The following FOXP2 variants were observed in gnomAD, a reference collection of about 807,000 sequenced individuals.
FOXP2 encodes forkhead box P2.
A neutral mutation model predicts 115.8 loss-of-function variants in FOXP2; 12 were observed. That is an observed-to-expected ratio of 0.10 (90% CI 0.07 to 0.17). The LOEUF is 0.17. Among genes scored for constraint, FOXP2 ranks in the 10% least tolerant of loss-of-function variants. The pLI is 1.00. For missense variants in FOXP2, 629 were observed against 843.5 expected (o/e 0.75, Z 3.15); for synonymous variants, 328 against 297.7 (o/e 1.10, Z -1.05).
At chr7:114,623,561 C>T (rs1462401030) in intron 3 of FOXP2, among the ~76,000 whole-genome samples, 1 of 151,902 alleles carries the variant, frequency 6.6e-6, no homozygotes, top group East Asian at 1.9e-4. Context: ...TATGGTGTAG[C>T]ATATTATATA....
chr7:114,554,999 C>G (rs1800390102), intron 3 of FOXP2, among the ~76,000 whole-genome samples: 1 of 152,138 alleles, frequency 6.6e-6, no homozygotes, highest in African/African-American at 2.4e-5. Context: ...GTCATCATAT[C>G]TACATGCGTG....
intron 2 of FOXP2, among the ~76,000 whole-genome samples, chr7:114,324,932 G>T (rs941757566): frequency 2.0e-5 from 3 of 151,790 alleles, no homozygotes; most frequent in African/African-American, 7.2e-5. Context: ...CATAGTAGGT[G>T]TATGTATTAA....
At chr7:114,559,563 CTTG>C (rs2129290343) in intron 3 of FOXP2, among the ~76,000 whole-genome samples, 1 of 152,264 alleles carries the variant, frequency 6.6e-6, no homozygotes, top group African/African-American at 2.4e-5. Context: ...TTCTGTAACT[CTTG>C]TTAATTCCTT....
intron 1 of FOXP2, among the ~76,000 whole-genome samples, chr7:114,182,985 G>C (rs926537216): frequency 6.6e-6 from 1 of 152,082 alleles, no homozygotes. Flanking sequence ...TGCAGGAAAG[G>C]CTGAAGGCTT....
chr7:114,209,788 A>C (rs1438757105), intron 1 of FOXP2, among the ~76,000 whole-genome samples: 1 of 151,548 alleles, frequency 6.6e-6, no homozygotes, highest in Non-Finnish European at 1.5e-5. Context: ...TACCGCAATC[A>C]CTCTCTTTAC....
intron 1 of FOXP2, among the ~76,000 whole-genome samples, chr7:114,124,845 T>A (rs4730624): frequency 0.17 from 26,080 of 152,008 alleles, 3,048 homozygotes; most frequent in East Asian, 0.4. Context: ...AAATGTTGTG[T>A]GCTGAATGTG....
At chr7:114,432,172 A>G (rs1328334782) in intron 2 of FOXP2, among the ~76,000 whole-genome samples, 1 of 151,928 alleles carries the variant, frequency 6.6e-6, no homozygotes, top group East Asian at 1.9e-4. Flanking sequence ...AATTAATGTC[A>G]GTTAGGAAGA....
At chr7:114,651,910 A>G (rs1478839889) in intron 8 of FOXP2, among the ~76,000 whole-genome samples, 1 of 152,196 alleles carries the variant, frequency 6.6e-6, no homozygotes, top group Non-Finnish European at 1.5e-5. Flanking sequence ...AATGGCATAA[A>G]TAATATGACT....
In FOXP2 at chr7:114,492,210, T is replaced by C. The variant is rs778100665; in HGVS notation, c.169-42407T>C. ...TAGTTTATTTGCGTAGAGGTGTTTA[T>C]AGTATTCTCTGGTGGCAGTTTGTAT... is the stretch of plus-strand genomic sequence containing the variant. On this transcript the variant is annotated intron_variant, in intron 2 of 16. Transcript: ENST00000350908. Among the ~76,000 whole-genome samples, 76 of 152,206 alleles carry C rather than the reference T, an allele frequency of 5.0e-4. 1 individual carries two copies. The highest frequency in any genetic ancestry group is 7.3e-5 in the Non-Finnish European group (5 of 68,042).
At chr7:114,193,038 A>G (rs992070508) in intron 1 of FOXP2, among the ~76,000 whole-genome samples, 1 of 152,138 alleles carries the variant, frequency 6.6e-6, no homozygotes, top group Non-Finnish European at 1.5e-5. Context: ...GTGGTCCTCC[A>G]TACTCTAGGT....
intron 2 of FOXP2, among the ~76,000 whole-genome samples, chr7:114,364,779 T>C (rs1346192166): frequency 1.3e-5 from 2 of 152,138 alleles, no homozygotes; most frequent in African/African-American, 4.8e-5. Context: ...AGTAAATCAG[T>C]CTGTACTGAA....
At chr7:114,653,239 T>TAA (rs1806377669) in intron 9 of FOXP2, 1 of 154,172 alleles carries the variant, frequency 6.5e-6, no homozygotes, top group African/African-American at 2.4e-5. Context: ...TTACCATTTA[T>TAA]AAAAGGTAGA....
At chr7:114,276,978 G>A (rs991908476) in intron 1 of FOXP2, among the ~76,000 whole-genome samples, 1 of 152,070 alleles carries the variant, frequency 6.6e-6, no homozygotes, top group African/African-American at 2.4e-5. Flanking sequence ...ATATAGTGGA[G>A]GTGATAAATT....
Position 114,680,164 on chromosome 7 carries a change from C to T in FOXP2, c.2004-9618C>T, listed in dbSNP as rs143861690. 7.6e-4 allele frequency among the ~76,000 whole-genome samples: 115 copies of T among 152,266 alleles called. 1 individual carries two copies. The highest frequency in any genetic ancestry group is 2.4e-3 in the African/African-American group (101 of 41,560). ...AGAAGTTCCAAATATGTTTCTAAATCTCACAAATGTAAATTAAATTAAATT... is the reference window on the plus strand; with the variant it reads ...AGAAGTTCCAAATATGTTTCTAAATTTCACAAATGTAAATTAAATTAAATT... On this transcript the variant is annotated intron_variant, in intron 16 of 16. Transcript: ENST00000350908.
chr7:114,601,256 A>G (rs1183478143), intron 3 of FOXP2, among the ~76,000 whole-genome samples: 1 of 152,076 alleles, frequency 6.6e-6, no homozygotes, highest in African/African-American at 2.4e-5. Context: ...GTGAGCCACC[A>G]CACTTGGCCT....
rs111544784 is a variant in FOXP2 at position 114,145,624 on chromosome 7, A to T, written c.-246-17320A>T. Among the ~76,000 whole-genome samples, 859 of 151,926 alleles carry T rather than the reference A, an allele frequency of 5.7e-3. 8 individuals are homozygous for T. Among genetic ancestry groups the T allele is most frequent in the African/African-American group, 0.019 (803 of 41,408 alleles). On this transcript the variant is annotated intron_variant, in intron 1 of 19. Transcript: ENST00000635638. ...TGCCTCAGCCTCCCGAGTAGCTGGG[A>T]TTACAGGCGCGTGCACAACTATAGC...
At chr7:114,168,104 C>T (rs1485901053) in intron 1 of FOXP2, among the ~76,000 whole-genome samples, 1 of 152,084 alleles carries the variant, frequency 6.6e-6, no homozygotes, top group Non-Finnish European at 1.5e-5. Flanking sequence ...GTATAAATTA[C>T]CCAGTCTTGG....
chr7:114,618,206 G>A (rs1037758854), intron 3 of FOXP2, among the ~76,000 whole-genome samples: 1 of 152,094 alleles, frequency 6.6e-6, no homozygotes, highest in African/African-American at 2.4e-5. Flanking sequence ...GCAAACTTTT[G>A]CTGGATGGAT....
chr7:114,681,092 T>C (rs1808061969), intron 16 of FOXP2, among the ~76,000 whole-genome samples: 1 of 152,228 alleles, frequency 6.6e-6, no homozygotes, highest in Non-Finnish European at 1.5e-5. Flanking sequence ...GGGCTGGCAA[T>C]CTTGTACATT....
Sources: gnomAD v4.1 joint callset for allele counts (sites outside exome capture counted in the v4.1 genomes callset) on GRCh38, gnomAD v4.1.1 for gene constraint, MANE v1.5 for transcripts, NCBI Gene and HGNC (gene_info 2026-07-23, HGNC 2026-07-21) for gene names.